GRIK2: variants seen among roughly 807,000 people sequenced by gnomAD.
GRIK2 encodes the protein glutamate receptor ionotropic, kainate 2.
A neutral mutation model predicts 100.3 loss-of-function variants in GRIK2; 32 were observed. The ratio of observed to expected loss-of-function variants is 0.32; its 90% CI spans 0.24 to 0.43. The LOEUF is 0.43. GRIK2 is among the 20% of genes least tolerant of loss of function. GRIK2 has a pLI of 1.00. For synonymous variants in GRIK2, 417 were observed against 389.4 expected, an observed-to-expected ratio of 1.07 and a Z score of -0.83; for missense variants, 843 against 1,114.9, an observed-to-expected ratio of 0.76 and a Z score of 3.47.
intron 2 of GRIK2, among the ~76,000 whole-genome samples, chr6:101,593,601 G>A (rs1196236836): frequency 6.6e-6 from 1 of 151,728 alleles, no homozygotes; most frequent in Non-Finnish European, 1.5e-5. Flanking sequence ...TTTTTACAGA[G>A]CCTAAAATAG....
rs947666690 is a variant in GRIK2, at chr6:101,955,791, A to G, written c.2085+27159A>G. 1.1e-4 allele frequency among the ~76,000 whole-genome samples: 16 copies of G among 151,674 alleles called. 1 individual carries two copies. The highest frequency in any genetic ancestry group is 2.1e-4 in the Non-Finnish European group (14 of 67,948). ...CTCACTTTCATTTCTGATATTGATA[A>G]TTTTGTTATTCTTGCTAAAAGTTTG... On this transcript the variant is annotated intron_variant, in intron 14 of 16. Transcript: ENST00000369134.
chr6:101,869,162 C>T (rs1785234473), intron 11 of GRIK2, among the ~76,000 whole-genome samples: 3 of 151,816 alleles, frequency 2.0e-5, no homozygotes, highest in Admixed American at 6.6e-5. Flanking sequence ...TAACACCACA[C>T]GTGACCAAAA....
chr6:101,756,870 A>G (rs1437937688), intron 7 of GRIK2, among the ~76,000 whole-genome samples: 2 of 152,174 alleles, frequency 1.3e-5, no homozygotes, highest in Non-Finnish European at 2.9e-5. Context: ...TTGATAAAAA[A>G]TTTGGCATTT....
At chr6:101,996,308 G>A (rs1340538698) in intron 14 of GRIK2, among the ~76,000 whole-genome samples, 6 of 151,972 alleles carry the variant, frequency 3.9e-5, no homozygotes, top group Non-Finnish European at 7.4e-5. Flanking sequence ...TTATAGTTTA[G>A]GGATAAATGC....
intron 7 of GRIK2, among the ~76,000 whole-genome samples, chr6:101,691,551 G>A (rs1447787420): frequency 1.3e-5 from 2 of 152,002 alleles, no homozygotes; most frequent in Admixed American, 6.6e-5. Context: ...ACCCACCTTG[G>A]CCTCCCAAAG....
intron 2 of GRIK2, among the ~76,000 whole-genome samples, chr6:101,405,641 A>C (rs1254990955): frequency 1.3e-5 from 2 of 152,050 alleles, no homozygotes; most frequent in African/African-American, 4.8e-5. Flanking sequence ...TTTCTTGCTG[A>C]AACTTCTATA....
At chr6:101,762,333 C>G (rs1347096673) in intron 7 of GRIK2, among the ~76,000 whole-genome samples, 4 of 151,950 alleles carry the variant, frequency 2.6e-5, no homozygotes, top group African/African-American at 9.7e-5. Flanking sequence ...CATCATGAAG[C>G]CTGGCTAATT....
At chr6:101,709,102 G>GCA (rs1449517959) in intron 7 of GRIK2, among the ~76,000 whole-genome samples, 1 of 151,470 alleles carries the variant, frequency 6.6e-6, no homozygotes, top group Non-Finnish European at 1.5e-5. Flanking sequence ...TGGAACACAG[G>GCA]CACACACACA....
chr6:101,957,334 T>C lies in GRIK2; in HGVS notation c.2085+28702T>C, dbSNP rs1328944230. ...TTCAAATCTTTCACCCACTTTTTAA[T>C]GGGCTTGTTTTTGTCTTATAGAGTT... is the stretch of plus-strand genomic sequence containing the variant. On this transcript the variant is annotated intron_variant, in intron 14 of 16. Transcript: ENST00000369134. 2.0e-5 allele frequency among the ~76,000 whole-genome samples: 3 copies of C among 152,106 alleles called. No individual in the cohort carries two copies. In the East Asian group the frequency reaches 5.8e-4, roughly 29 times the overall value.
In GRIK2 at chr6:101,676,645, C is replaced by T; in HGVS notation, c.564C>T (p.Leu188=). ...AAGGTCTCATTCGTTTGCAAGAGCT[C>T]ATCAAAGCTCCATCAAGGTATAATC... ...DSTGLIRLQE[L]IKAPSRYNLR... Residue 188 remains leucine, a synonymous_variant, in exon 5 of 17, where the codon CTC becomes CTT. Transcript: ENST00000369134. 1 of 1,575,850 alleles carries T rather than the reference C, an allele frequency of 6.3e-7. No homozygotes were observed. The highest frequency in any genetic ancestry group is 8.6e-7 in the Non-Finnish European group (1 of 1,160,530).
At chr6:101,707,592 G>GTATATATATATATATATATA (rs1451926404) in intron 7 of GRIK2, among the ~76,000 whole-genome samples, 6 of 128,204 alleles carry the variant, frequency 4.7e-5, no homozygotes, top group Non-Finnish European at 9.4e-5. Context: ...GTGTGTGTGT[G>GTATATATATATATATATATA]TGTATATATG....
chr6:102,047,877 T>C (rs1435762943), intron 15 of GRIK2, among the ~76,000 whole-genome samples: 1 of 151,920 alleles, frequency 6.6e-6, no homozygotes, highest in Non-Finnish European at 1.5e-5. Context: ...TTATGTGAAA[T>C]TACAAAAAGG....
At position 102,025,868 on chromosome 6, in the gene GRIK2, A is replaced by G. The variant is rs1338467944; in HGVS notation, c.2086-9473A>G. Reference sequence around the variant, plus strand: ...AATGATTGAATGAATAATCTAGTGAATTATTAAATAGAATAAGTTGAGTTT... The same window carrying G: ...AATGATTGAATGAATAATCTAGTGAGTTATTAAATAGAATAAGTTGAGTTT... On this transcript the variant is annotated intron_variant, in intron 14 of 16. Transcript: ENST00000369134. Among the ~76,000 whole-genome samples, 6 of 150,932 alleles carry G rather than the reference A, an allele frequency of 4.0e-5. No individual in the cohort carries two copies. The East Asian group carries it at 1.2e-3, about 30-fold the overall frequency.
intron 2 of GRIK2, among the ~76,000 whole-genome samples, chr6:101,616,993 T>A (rs193005039): frequency 1.1e-3 from 160 of 151,846 alleles, no homozygotes; most frequent in African/African-American, 3.7e-3. Context: ...TAAAATGTAT[T>A]ATATTTAATA....
At chr6:101,669,707 A>G (rs376379620) in intron 4 of GRIK2, among the ~76,000 whole-genome samples, 1 of 152,192 alleles carries the variant, frequency 6.6e-6, no homozygotes, top group African/African-American at 2.4e-5. Flanking sequence ...CTTCATCCAC[A>G]TAAGTTATAC....
intron 2 of GRIK2, among the ~76,000 whole-genome samples, chr6:101,610,999 A>G (rs1779651713): frequency 6.6e-6 from 1 of 151,464 alleles, no homozygotes; most frequent in African/African-American, 2.4e-5. Flanking sequence ...CCATTTCCCA[A>G]TTTTCTTCTC....
chr6:101,438,960 A>G (rs1769890739), intron 2 of GRIK2, among the ~76,000 whole-genome samples: 1 of 152,148 alleles, frequency 6.6e-6, no homozygotes, highest in African/African-American at 2.4e-5. Flanking sequence ...GTATAGAACT[A>G]ATGAGGTTTG....
intron 14 of GRIK2, among the ~76,000 whole-genome samples, chr6:101,983,908 A>G (rs540720574): frequency 6.6e-6 from 1 of 151,778 alleles, no homozygotes; most frequent in African/African-American, 2.4e-5. Context: ...CACCATATAT[A>G]TATTTTTGAA....
intron 14 of GRIK2, among the ~76,000 whole-genome samples, chr6:101,995,130 T>C (rs1167060890): frequency 2.6e-5 from 4 of 151,912 alleles, no homozygotes; most frequent in Admixed American, 1.3e-4. Context: ...AATGAACCCA[T>C]GGTAGTTCCA....
Sources: allele counts gnomAD v4.1 joint callset (sites outside exome capture counted in the v4.1 genomes callset), GRCh38; gene constraint gnomAD v4.1.1; transcripts MANE v1.5; gene names NCBI Gene and HGNC (gene_info 2026-07-23, HGNC 2026-07-21).